Variants in ADGRG1 observed in about 807,000 individuals in gnomAD.
The protein encoded by ADGRG1 is adhesion G protein-coupled receptor G1, also known as 7-transmembrane protein with no EGF-like N-terminal domains-1.
In ADGRG1, 53 loss-of-function variants were observed where a neutral mutation model predicts 73.5. That is an observed-to-expected ratio of 0.72 (90% CI 0.58 to 0.91). The LOEUF (loss-of-function observed/expected upper bound fraction) is 0.91. Among genes scored for constraint, ADGRG1 ranks in the 40% least tolerant of loss-of-function variants. The pLI is 0.00. For missense variants in ADGRG1, 795 were observed against 871.8 expected, an observed-to-expected ratio of 0.91 and a Z score of 1.11; for synonymous variants, 394 against 374.4, an observed-to-expected ratio of 1.05 and a Z score of -0.60.
At chr16:57,631,448 G>A (rs1338610405) in intron 1 of ADGRG1, 8 of 985,274 alleles carry the variant, frequency 8.1e-6, no homozygotes, top group Non-Finnish European at 9.6e-6. Flanking sequence ...AGGCCATGGA[G>A]GAGGCCGTGG....
In ADGRG1 at chr16:57,665,144, A is replaced by T. The variant is rs1293752061; in HGVS notation, c.*1562A>T. ...CCAATCAGGAAACATGAAAGAGAGA[A>T]GAGGGCTGTGTGTGAAGAAAAAAAA... On this transcript the variant is annotated 3_prime_UTR_variant, in exon 14 of 14. Transcript: ENST00000562631. 1.9e-4 allele frequency: 28 copies of T among 150,738 alleles called. No individual in the cohort carries two copies. Among genetic ancestry groups the T allele is most frequent in the African/African-American group, 6.9e-4 (28 of 40,622 alleles). 9.3% of individuals were successfully genotyped at this position (150,738 alleles called of 1,614,324 possible).
chr16:57,645,684 G>A (rs2042446421), intron 1 of ADGRG1, among the ~76,000 whole-genome samples: 1 of 152,124 alleles, frequency 6.6e-6, no homozygotes. Flanking sequence ...GCTTGTTAAA[G>A]CCAAGCTCCC....
rs766775940 is a variant in ADGRG1 at position 57,663,630 on chromosome 16, C to A, written c.*48C>A. ...TGATGAAGCAGAGATTCGGCCTCGT[C>A]GCACACTGCCTGTGGCCCCCGAGCC... On this transcript the variant is annotated 3_prime_UTR_variant, in exon 14 of 14. Transcript: ENST00000562631. The A allele has an allele frequency of 2.7e-5, 43 of 1,595,694 alleles. No homozygotes were observed. The highest frequency in any genetic ancestry group is 3.4e-5 in the Non-Finnish European group (40 of 1,172,370).
At chr16:57,630,096 C>A in intron 1 of ADGRG1, 1 of 806,254 alleles carries the variant, frequency 1.2e-6, no homozygotes, top group Non-Finnish European at 1.5e-6. Context: ...ACTCTGTGCT[C>A]TGTCGGGAAC....
upstream of ADGRG1, chr16:57,626,580 G>A (rs1199778863): frequency 1.0e-6 from 1 of 985,284 alleles, no homozygotes; most frequent in African/African-American, 1.7e-5. Flanking sequence ...ACTCCGCCCA[G>A]CCAGGCAGCC....
At chr16:57,649,480 A>G (rs1332090932) in intron 1 of ADGRG1, among the ~76,000 whole-genome samples, 1 of 152,008 alleles carries the variant, frequency 6.6e-6, no homozygotes, top group African/African-American at 2.4e-5. Flanking sequence ...GGAGTTGAGG[A>G]GGGCTTCCTG....
At position 57,636,747 on chromosome 16, in the gene ADGRG1, G is replaced by T. The variant is rs1004515482; in HGVS notation, c.-36+7945G>T. ...ATTTACTCATCCAGCAGTCACTGGG[G>T]ATCTTCTATGGACCAGGCACTGTGC... On this transcript the variant is annotated intron_variant, in intron 1 of 13. Transcript: ENST00000562631. 4 of 958,206 alleles carry T rather than the reference G, an allele frequency of 4.2e-6. No homozygotes were observed. In the African/African-American group the frequency reaches 5.3e-5, roughly 13 times the overall value. The allele number at this position is 958,206 out of a possible 1,614,324, so 59.4% of individuals were successfully genotyped here.
intron 1 of ADGRG1, chr16:57,643,744 C>T: frequency 1.0e-6 from 1 of 984,572 alleles, no homozygotes; most frequent in Non-Finnish European, 1.2e-6. Context: ...TCCTGGAATA[C>T]CCCTCTTGGG....
chr16:57,623,164 A>G (rs969808039), upstream of ADGRG1: 27 of 977,654 alleles, frequency 2.8e-5, no homozygotes, highest in Non-Finnish European at 2.9e-5. Context: ...GTTGTGGGGG[A>G]AAATGCAAGT....
intron 1 of ADGRG1, chr16:57,629,875 T>C (rs2037258211): frequency 1.1e-5 from 3 of 275,562 alleles, no homozygotes; most frequent in Admixed American, 1.3e-4. Flanking sequence ...CGTGGTAGAG[T>C]TGGGGTCTCC....
Position 57,661,683 on chromosome 16 carries a change from G to A in ADGRG1, c.1665-14G>A. ...TGCTGGCCACACGCTGAGCCCTCCT[G>A]CCTTTGCCCGCAGGTGCTGGATCCG... On this transcript the variant is annotated splice_polypyrimidine_tract_variant and intron_variant, in intron 12 of 13. Transcript: ENST00000562631. 6.2e-7 allele frequency: 1 copy of A among 1,611,092 alleles called. No individual in the cohort carries two copies. Among genetic ancestry groups the A allele is most frequent in the Non-Finnish European group, 8.5e-7 (1 of 1,178,864 alleles).
At chr16:57,650,434 C>T (rs2043756779) in intron 2 of ADGRG1, 83 bp downstream of exon 2, 1 of 1,609,866 alleles carries the variant, frequency 6.2e-7, no homozygotes, top group South Asian at 1.1e-5. Flanking sequence ...AGCACACATG[C>T]TAACTCCTTT....
chr16:57,632,136 C>T (rs1337702712), intron 1 of ADGRG1: 2 of 985,364 alleles, frequency 2.0e-6, no homozygotes, highest in Non-Finnish European at 2.4e-6. Flanking sequence ...GAGGCTTACC[C>T]AGTGAGCAAC....
intron 4 of ADGRG1, chr16:57,653,726 C>T (rs1440516840): frequency 1.2e-6 from 1 of 867,030 alleles, no homozygotes; most frequent in Admixed American, 6.2e-5. Context: ...CCATTGCTCT[C>T]CTTTCCCTTG....
At chr16:57,638,063 G>T (rs1320121644) in intron 1 of ADGRG1, among the ~76,000 whole-genome samples, 1 of 152,160 alleles carries the variant, frequency 6.6e-6, no homozygotes, top group African/African-American at 2.4e-5. Flanking sequence ...TTTTCCCTTT[G>T]ACTCAGTGGG....
At position 57,663,618 on chromosome 16, in the gene ADGRG1, A is replaced by T; in HGVS notation, c.*36A>T. The stretch of plus-strand genomic sequence containing the variant: ...CACCTGCCCATGTGATGAAGCAGAG[A>T]TTCGGCCTCGTCGCACACTGCCTGT... On this transcript the variant is annotated 3_prime_UTR_variant, in exon 14 of 14. Transcript: ENST00000562631. 1 of 1,606,474 alleles carries T rather than the reference A, an allele frequency of 6.2e-7. No homozygotes were observed. Among genetic ancestry groups the T allele is most frequent in the Non-Finnish European group, 8.5e-7 (1 of 1,178,030 alleles).
chr16:57,652,457 G>C (rs950096060), intron 3 of ADGRG1, among the ~76,000 whole-genome samples: 17 of 152,140 alleles, frequency 1.1e-4, no homozygotes, highest in African/African-American at 3.6e-4. Context: ...CGTCAGTGGT[G>C]GGGGGTTCCC....
At chr16:57,620,393 A>G (rs1487571081), upstream of ADGRG1, among the ~76,000 whole-genome samples, 1 of 152,260 alleles carries the variant, frequency 6.6e-6, no homozygotes, top group South Asian at 2.1e-4. Flanking sequence ...GGAAGCTGGC[A>G]GGTGTGAGGT....
In ADGRG1 at chr16:57,653,999, C is replaced by T. The variant is rs2044813845; in HGVS notation, c.634C>T (p.Leu212=). The T allele has an allele frequency of 2.5e-6, 4 of 1,613,972 alleles. No individual in the cohort carries two copies. The highest frequency in any genetic ancestry group is 2.5e-6 in the Non-Finnish European group (3 of 1,180,050). ...AAPASQQLQS[L]ESKLTSVRFM... is the part of the protein sequence containing the mutation. ...CCTCCCTGCCAGGCAGTTGCAGAGC[C>T]TGGAGTCGAAACTGACCTCTGTGAG... Residue 212 remains leucine, a synonymous_variant, in exon 5 of 14, where the codon CTG becomes TTG. Coordinates refer to ENST00000562631, the MANE Select transcript of ADGRG1 (RefSeq NM_201525.4).
Sources: allele counts gnomAD v4.1 joint callset (sites outside exome capture counted in the v4.1 genomes callset), GRCh38; gene constraint gnomAD v4.1.1; transcripts MANE v1.5; gene names NCBI Gene and HGNC (gene_info 2026-07-23, HGNC 2026-07-21).